MALRD1: variants seen among roughly 807,000 people sequenced by gnomAD.
MALRD1 encodes MAM and LDL receptor class A domain containing 1.
MALRD1 carries 247 observed loss-of-function variants against 242.1 expected under a neutral mutation model. The ratio of observed to expected loss-of-function variants is 1.02; its 90% CI spans 0.92 to 1.13. The LOEUF is 1.13. Among genes scored for constraint, MALRD1 ranks in the 50% most tolerant of loss-of-function variants. MALRD1 has a pLI of 0.00. For missense variants in MALRD1, 2,989 were observed against 2,533.1 expected (o/e 1.18, Z -3.86); for synonymous variants, 995 against 866.6 (o/e 1.15, Z -2.60).
rs35948766 is a variant in MALRD1, at chr10:19,108,387, CTTTTTTTTTTTTTTTTTT to C, written c.694+4333_694+4350del. Among the ~76,000 whole-genome samples, 8 of 19,764 alleles carry C rather than the reference CTTTTTTTTTTTTTTTTTT, an allele frequency of 4.0e-4. 2 individuals carry two copies. The highest frequency in any genetic ancestry group is 2.2e-3 in the African/African-American group (6 of 2,782). 13.0% of individuals were successfully genotyped at this position (19,764 alleles called of 152,430 possible). A position where few individuals can be genotyped will look rare whatever the true frequency, so the allele number is the denominator to read the frequency against. ...TTATTGAGCTCATGAATTGTTTTTT[CTTTTTTTTTTTTTTTTTT>C]TTTTTTTTTTTTTTTTTTTTAAGAC... On this transcript the variant is annotated intron_variant, in intron 5 of 39. Coordinates refer to ENST00000454679, the MANE Select transcript of MALRD1 (RefSeq NM_001142308.3).
At chr10:19,647,203 G>T (rs920807146) in intron 36 of MALRD1, among the ~76,000 whole-genome samples, 2 of 152,156 alleles carry the variant, frequency 1.3e-5, no homozygotes, top group Non-Finnish European at 2.9e-5. Context: ...AAAAAGTCAC[G>T]CAAATTTGCA....
chr10:19,100,188 T>C (rs575482223), intron 4 of MALRD1, among the ~76,000 whole-genome samples: 1 of 152,210 alleles, frequency 6.6e-6, no homozygotes, highest in Non-Finnish European at 1.5e-5. Flanking sequence ...TTATGCCTGA[T>C]GTGTCTTGTG....
At chr10:19,651,208 G>A (rs1840868823) in intron 36 of MALRD1, among the ~76,000 whole-genome samples, 3 of 152,178 alleles carry the variant, frequency 2.0e-5, no homozygotes, top group African/African-American at 7.2e-5. Flanking sequence ...ATCGTGGTTA[G>A]GAAGTTGATA....
At chr10:19,315,187 A>C (rs1842610046) in intron 21 of MALRD1, among the ~76,000 whole-genome samples, 1 of 127,206 alleles carries the variant, frequency 7.9e-6, no homozygotes, top group Non-Finnish European at 1.6e-5. Context: ...TAAATATATA[A>C]ATATAATTTA....
At chr10:19,217,573 A>G (rs1837375674) in intron 18 of MALRD1, among the ~76,000 whole-genome samples, 1 of 139,262 alleles carries the variant, frequency 7.2e-6, no homozygotes, top group Non-Finnish European at 1.5e-5. Flanking sequence ...TCACTCTGTC[A>G]CCAGGCTGGA....
intron 13 of MALRD1, among the ~76,000 whole-genome samples, chr10:19,171,686 ATG>A (rs1442242058): frequency 2.8e-5 from 4 of 143,894 alleles, no homozygotes; most frequent in South Asian, 2.1e-4. Context: ...ACACACATAT[ATG>A]TGTGTATGTG....
intron 32 of MALRD1, among the ~76,000 whole-genome samples, chr10:19,564,582 A>G (rs1321028411): frequency 6.6e-6 from 1 of 152,106 alleles, no homozygotes; most frequent in Admixed American, 6.6e-5. Context: ...GTGTTTGACT[A>G]AAGTTTAAAA....
At chr10:19,704,001 C>A (rs1193308736) in intron 38 of MALRD1, among the ~76,000 whole-genome samples, 1 of 152,152 alleles carries the variant, frequency 6.6e-6, no homozygotes, top group Non-Finnish European at 1.5e-5. Flanking sequence ...CCATTGCTTT[C>A]CTTTTTAGAC....
At chr10:19,403,025 A>G (rs1846937893) in intron 28 of MALRD1, among the ~76,000 whole-genome samples, 1 of 152,170 alleles carries the variant, frequency 6.6e-6, no homozygotes. Context: ...AGACATTTAT[A>G]GTGCTTAAAG....
chr10:19,061,325 A>G (rs1488826893), intron 1 of MALRD1, among the ~76,000 whole-genome samples: 1 of 152,226 alleles, frequency 6.6e-6, no homozygotes, highest in African/African-American at 2.4e-5. Context: ...AGATTGGAAG[A>G]TTTAATATTG....
chr10:19,447,880 G>A (rs1384624688), intron 28 of MALRD1, among the ~76,000 whole-genome samples: 3 of 152,066 alleles, frequency 2.0e-5, no homozygotes, highest in South Asian at 2.1e-4. Context: ...CATTAATTAG[G>A]TGTGAATTCT....
At chr10:19,396,129 CTTTTTTTTTTTCTTT>C (rs1396808005) in intron 28 of MALRD1, among the ~76,000 whole-genome samples, 7 of 129,842 alleles carry the variant, frequency 5.4e-5, no homozygotes, top group East Asian at 2.3e-4. Context: ...TCCTTCGTTT[CTTTTTTTTTTTCTTT>C]TTTTTTTTTT....
intron 22 of MALRD1, among the ~76,000 whole-genome samples, chr10:19,326,135 A>T (rs950454442): frequency 1.2e-4 from 19 of 152,154 alleles, no homozygotes; most frequent in African/African-American, 4.1e-4. Flanking sequence ...AAAGACATCC[A>T]AATGGGCTTC....
intron 29 of MALRD1, among the ~76,000 whole-genome samples, chr10:19,486,327 A>G (rs1000687855): frequency 1.2e-4 from 18 of 152,166 alleles, no homozygotes; most frequent in Middle Eastern, 3.4e-3. Flanking sequence ...TGAGTCTTTG[A>G]TAGTTAAAAT....
chr10:19,684,482 A>G (rs1842493890), intron 36 of MALRD1, among the ~76,000 whole-genome samples: 1 of 152,192 alleles, frequency 6.6e-6, no homozygotes, highest in Non-Finnish European at 1.5e-5. Context: ...ATGGCTGGGC[A>G]TGGTGGCTCA....
At chr10:19,613,748 C>G (rs2131605544) in intron 35 of MALRD1, among the ~76,000 whole-genome samples, 1 of 152,188 alleles carries the variant, frequency 6.6e-6, no homozygotes, top group South Asian at 2.1e-4. Context: ...AGCTGTGTGT[C>G]TCTGAATTTT....
chr10:19,199,759 C>T (rs1018870114), intron 14 of MALRD1, among the ~76,000 whole-genome samples: 13 of 151,868 alleles, frequency 8.6e-5, no homozygotes, highest in African/African-American at 3.1e-4. Context: ...TGAGATCGCA[C>T]CACTGCACTC....
At chr10:19,720,924 G>C (rs1346587071) in intron 38 of MALRD1, among the ~76,000 whole-genome samples, 2 of 151,926 alleles carry the variant, frequency 1.3e-5, no homozygotes, top group African/African-American at 4.8e-5. Flanking sequence ...GAGTTACATA[G>C]GAAACACAGG....
At chr10:19,406,648 G>A (rs1847125071) in intron 28 of MALRD1, among the ~76,000 whole-genome samples, 1 of 152,096 alleles carries the variant, frequency 6.6e-6, no homozygotes, top group Non-Finnish European at 1.5e-5. Flanking sequence ...CAAGGAAAAC[G>A]AAAATGTTTG....
Sources: allele counts gnomAD v4.1 joint callset (sites outside exome capture counted in the v4.1 genomes callset), GRCh38; gene constraint gnomAD v4.1.1; transcripts MANE v1.5; gene names NCBI Gene and HGNC (gene_info 2026-07-23, HGNC 2026-07-21).